Variants in TP63 observed in about 807,000 individuals in gnomAD.
The protein encoded by TP63 is tumor protein p63.
A neutral mutation model predicts 82.8 loss-of-function variants in TP63; 17 were observed. The ratio of observed to expected loss-of-function variants is 0.21; its 90% CI spans 0.14 to 0.31. The LOEUF (loss-of-function observed/expected upper bound fraction) is 0.31, where lower values mean the gene tolerates loss of function less well. TP63 is among the 10% of genes least tolerant of loss of function. The pLI, the probability that TP63 is intolerant of heterozygous loss-of-function variation, is 1.00. For missense variants in TP63, 648 were observed against 895.3 expected, an observed-to-expected ratio of 0.72 and a Z score of 3.52; for synonymous variants, 330 against 321.7, an observed-to-expected ratio of 1.03 and a Z score of -0.28.
At chr3:189,786,236 A>G (rs1724589240) in intron 3 of TP63, among the ~76,000 whole-genome samples, 1 of 152,014 alleles carries the variant, frequency 6.6e-6, no homozygotes, top group Admixed American at 6.6e-5. Context: ...AAGTTAAAAG[A>G]CTTGCATGTG....
At position 189,645,623 on chromosome 3, in the gene TP63, G is replaced by A. The variant is rs545224899; in HGVS notation, c.62+14046G>A. Among the ~76,000 whole-genome samples the A allele has an allele frequency of 2.1e-4, 31 of 148,354 alleles. 1 individual carries two copies. The highest frequency in any genetic ancestry group is 7.0e-4 in the African/African-American group (28 of 39,920). On this transcript the variant is annotated intron_variant, in intron 1 of 13. Transcript: ENST00000264731. ...TGCACCCATTAACTTGTCATTTAGC[G>A]TTAGGTATATCTCCTAATGCTATCC...
intron 4 of TP63, among the ~76,000 whole-genome samples, chr3:189,830,602 T>A (rs1272040002): frequency 1.3e-5 from 2 of 152,214 alleles, no homozygotes; most frequent in African/African-American, 4.8e-5. Context: ...TCTGTTTACA[T>A]AACACGCAAT....
At chr3:189,755,242 A>C (rs932006723) in intron 3 of TP63, among the ~76,000 whole-genome samples, 1 of 152,040 alleles carries the variant, frequency 6.6e-6, no homozygotes, top group Non-Finnish European at 1.5e-5. Flanking sequence ...TCTCTGTACC[A>C]TTTTTCCTCA....
chr3:189,812,284 C>A (rs2108648542), intron 4 of TP63, among the ~76,000 whole-genome samples: 1 of 152,204 alleles, frequency 6.6e-6, no homozygotes, highest in Non-Finnish European at 1.5e-5. Context: ...TCCAGTTCTA[C>A]AAAAATATGG....
chr3:189,789,387 GT>G (rs1457071007), intron 3 of TP63, among the ~76,000 whole-genome samples: 1 of 151,674 alleles, frequency 6.6e-6, no homozygotes, highest in African/African-American at 2.4e-5. Flanking sequence ...GGGGAGATTT[GT>G]TTTGTTTTTA....
At chr3:189,799,708 A>T (rs978754270) in intron 3 of TP63, among the ~76,000 whole-genome samples, 1 of 152,166 alleles carries the variant, frequency 6.6e-6, no homozygotes, top group Non-Finnish European at 1.5e-5. Flanking sequence ...GACAAAGCTA[A>T]ACAAAAAGTA....
chr3:189,882,746 G>A (rs1384403286), intron 10 of TP63, among the ~76,000 whole-genome samples: 1 of 152,140 alleles, frequency 6.6e-6, no homozygotes, highest in Non-Finnish European at 1.5e-5. Flanking sequence ...AGTCACTAGG[G>A]TTGGAACCAG....
intron 13 of TP63, among the ~76,000 whole-genome samples, chr3:189,892,094 A>G (rs1721083053): frequency 6.6e-6 from 1 of 152,210 alleles, no homozygotes; most frequent in African/African-American, 2.4e-5. Context: ...AGTAAGTTCC[A>G]GTATTATTCT....
rs531708094 is a variant in TP63 at position 189,643,296 on chromosome 3, C to T, written c.62+11719C>T. Among the ~76,000 whole-genome samples, 127 of 152,202 alleles carry T rather than the reference C, an allele frequency of 8.3e-4. No individual in the cohort carries two copies. The Middle Eastern group carries it at 0.014, about 16-fold the overall frequency. ...GACTACAGGCGTGAGCCACTGCACC[C>T]GGCCCCAGACAGCCAAGTTTGAGGA... On this transcript the variant is annotated intron_variant, in intron 1 of 13. Coordinates refer to ENST00000264731, the MANE Select transcript of TP63 (RefSeq NM_003722.5).
the TP63 span, among the ~76,000 whole-genome samples, chr3:189,623,618 TG>T: frequency 6.6e-6 from 1 of 152,198 alleles, no homozygotes; most frequent in Non-Finnish European, 1.5e-5. Flanking sequence ...AGCACACTGA[TG>T]GGGACACAGA....
At chr3:189,888,418 G>A (rs955367517) in intron 11 of TP63, among the ~76,000 whole-genome samples, 3 of 152,088 alleles carry the variant, frequency 2.0e-5, no homozygotes, top group Non-Finnish European at 4.4e-5. Context: ...AGTGATGATG[G>A]TTCACATTTG....
rs1721530860 is a variant in TP63 at position 189,897,087 on chromosome 3, A to G, written c.*2585A>G. On this transcript the variant is annotated 3_prime_UTR_variant, in exon 14 of 14. Coordinates refer to ENST00000264731, the MANE Select transcript of TP63 (RefSeq NM_003722.5). ...TTGTACAAAATTAAGCAAATGTTAAAAGTTTTATATGCTTTATTAATGTTT... is the reference window on the plus strand; with the variant it reads ...TTGTACAAAATTAAGCAAATGTTAAGAGTTTTATATGCTTTATTAATGTTT... 1 of 224,622 alleles carries G rather than the reference A, an allele frequency of 4.5e-6. No individual in the cohort carries two copies. Among genetic ancestry groups the G allele is most frequent in the South Asian group, 1.8e-4 (1 of 5,448 alleles). 13.9% of individuals were successfully genotyped at this position (224,622 alleles called of 1,614,324 possible).
chr3:189,888,924 CTG>C (rs755769713), intron 11 of TP63, among the ~76,000 whole-genome samples: 4 of 152,218 alleles, frequency 2.6e-5, no homozygotes, highest in Admixed American at 2.0e-4. Flanking sequence ...AGCACCTACT[CTG>C]TGCCAGGCAC....
At chr3:189,642,222 G>A (rs1291665957) in intron 1 of TP63, among the ~76,000 whole-genome samples, 1 of 152,024 alleles carries the variant, frequency 6.6e-6, no homozygotes, top group Non-Finnish European at 1.5e-5. Flanking sequence ...TATTAACTAG[G>A]ACTTCCGTAT....
chr3:189,732,505 A>T (rs1037174587), intron 1 of TP63, among the ~76,000 whole-genome samples: 4 of 152,250 alleles, frequency 2.6e-5, no homozygotes, highest in Non-Finnish European at 5.9e-5. Context: ...AATCAGTTTA[A>T]TTCAGCAAGT....
At chr3:189,731,270 G>C (rs1416306533) in intron 1 of TP63, among the ~76,000 whole-genome samples, 2 of 152,110 alleles carry the variant, frequency 1.3e-5, no homozygotes, top group Admixed American at 1.3e-4. Context: ...CTTGAACCCA[G>C]GAGGCAGAGG....
chr3:189,647,294 A>G (rs1712499988), intron 1 of TP63, among the ~76,000 whole-genome samples: 1 of 147,026 alleles, frequency 6.8e-6, no homozygotes. Context: ...GCTTTTCTTA[A>G]TTAGTCATAC....
intron 1 of TP63, among the ~76,000 whole-genome samples, chr3:189,648,194 C>T (rs1187578699): frequency 1.4e-5 from 2 of 146,858 alleles, no homozygotes; most frequent in African/African-American, 2.6e-5. Flanking sequence ...AGTGTGTGTT[C>T]GAATGCCATG....
intron 11 of TP63, among the ~76,000 whole-genome samples, chr3:189,888,076 G>A (rs975361850): frequency 5.3e-5 from 8 of 151,594 alleles, no homozygotes; most frequent in Admixed American, 2.0e-4. Flanking sequence ...CAGACTGGTC[G>A]CGAACTCCTG....
Sources: gnomAD v4.1 joint callset for allele counts (sites outside exome capture counted in the v4.1 genomes callset) on GRCh38, gnomAD v4.1.1 for gene constraint, MANE v1.5 for transcripts, NCBI Gene and HGNC (gene_info 2026-07-23, HGNC 2026-07-21) for gene names.